The following GLRB variants were observed in gnomAD, a reference collection of about 807,000 sequenced individuals.
The protein encoded by GLRB is glycine receptor subunit beta.
In GLRB, 33 loss-of-function variants were observed where a neutral mutation model predicts 54.2. The observed-to-expected ratio is 0.61, with a 90% CI of 0.46 to 0.81. The LOEUF (loss-of-function observed/expected upper bound fraction) is 0.81, where lower values mean the gene tolerates loss of function less well. GLRB is among the 40% of genes least tolerant of loss of function. The pLI is 0.00. For missense variants in GLRB, 572 were observed against 584.6 expected (o/e 0.98, Z 0.22); for synonymous variants, 209 against 208.2 (o/e 1.00, Z -0.03).
At chr4:157,124,648 TG>T (rs995994367) in intron 4 of GLRB, among the ~76,000 whole-genome samples, 3 of 151,842 alleles carry the variant, frequency 2.0e-5, no homozygotes, top group African/African-American at 7.2e-5. Flanking sequence ...AGCATTTAGA[TG>T]GCTTAATAAC....
At chr4:157,087,200 A>T (rs551140437) in intron 2 of GLRB, among the ~76,000 whole-genome samples, 2 of 152,266 alleles carry the variant, frequency 1.3e-5, no homozygotes, top group East Asian at 3.9e-4. Context: ...GTTCACTGGG[A>T]CTGTATTTAG....
chr4:157,111,098 T>G (rs1735401661), intron 2 of GLRB, among the ~76,000 whole-genome samples: 1 of 151,990 alleles, frequency 6.6e-6, no homozygotes, highest in Non-Finnish European at 1.5e-5. Flanking sequence ...TAGCCTTCAG[T>G]GGTCTAGTGT....
In GLRB at chr4:157,136,854, A is replaced by G; in HGVS notation, c.578A>G (p.Asp193Gly). The G allele has an allele frequency of 1.9e-6, 3 of 1,609,976 alleles. No homozygotes were observed. Among genetic ancestry groups the G allele is most frequent in the Non-Finnish European group, 2.6e-6 (3 of 1,176,260 alleles). The change falls in exon 6 of 10, where the codon GAT becomes GGT. Residue 193 changes from aspartate (D) to glycine (G), a missense_variant. Asp to Gly is a moderately conservative substitution (Grantham distance 94). Transcript: ENST00000264428. ...CPLDLTLFPMDTQRCKMQLES... is the reference protein window; with the variant it reads ...CPLDLTLFPMGTQRCKMQLES... The stretch of plus-strand genomic sequence containing the variant: ...TTGGACTTGACATTGTTTCCCATGG[A>G]TACACAACGTTGCAAGATGCAACTG...
intron 2 of GLRB, among the ~76,000 whole-genome samples, chr4:157,082,993 C>A (rs1197925930): frequency 7.1e-6 from 1 of 141,054 alleles, no homozygotes; most frequent in Admixed American, 7.0e-5. Flanking sequence ...TATATATACA[C>A]ACATACTTAC....
chr4:157,119,976 ACCAAC>A (rs1043650742), intron 2 of GLRB, among the ~76,000 whole-genome samples: 52 of 151,924 alleles, frequency 3.4e-4, no homozygotes, highest in African/African-American at 1.1e-3. Context: ...AAGACTTGGA[ACCAAC>A]CCAAATGTCC....
intron 2 of GLRB, among the ~76,000 whole-genome samples, chr4:157,105,800 A>T (rs1176076402): frequency 3.3e-5 from 5 of 152,208 alleles, no homozygotes; most frequent in African/African-American, 1.2e-4. Flanking sequence ...TAATTGACTT[A>T]AAGTCTATTT....
At chr4:157,091,271 A>C (rs1292980854) in intron 2 of GLRB, 1 of 152,182 alleles carries the variant, frequency 6.6e-6, no homozygotes, top group Non-Finnish European at 1.5e-5. Flanking sequence ...TTCAACATTT[A>C]ATAAAATTAA....
intron 9 of GLRB, among the ~76,000 whole-genome samples, chr4:157,162,246 A>C (rs940423101): frequency 1.3e-5 from 2 of 152,102 alleles, no homozygotes; most frequent in African/African-American, 2.4e-5. Context: ...TCTTTTTTCA[A>C]GGTTTTTAGT....
At chr4:157,162,567 A>C (rs559057351) in intron 9 of GLRB, among the ~76,000 whole-genome samples, 11 of 152,302 alleles carry the variant, frequency 7.2e-5, no homozygotes, top group Admixed American at 1.3e-4. Context: ...CAGGACCCTC[A>C]GCTGCAGGTC....
chr4:157,137,957 G>A (rs556209204), intron 6 of GLRB, among the ~76,000 whole-genome samples: 11 of 152,296 alleles, frequency 7.2e-5, no homozygotes, highest in African/African-American at 2.6e-4. Flanking sequence ...AGCCCAAAAT[G>A]TGTGTGCTTC....
At chr4:157,103,189 A>G (rs993875795) in intron 2 of GLRB, among the ~76,000 whole-genome samples, 2 of 150,946 alleles carry the variant, frequency 1.3e-5, no homozygotes, top group African/African-American at 4.9e-5. Flanking sequence ...TGAAGTAGGG[A>G]CAATAGGGAC....
At chr4:157,103,284 T>C (rs1735105530) in intron 2 of GLRB, among the ~76,000 whole-genome samples, 1 of 152,142 alleles carries the variant, frequency 6.6e-6, no homozygotes, top group East Asian at 1.9e-4. Context: ...AGAAAGTTGC[T>C]GAAATCAGTC....
intron 2 of GLRB, among the ~76,000 whole-genome samples, chr4:157,099,719 G>C (rs1734946879): frequency 6.6e-6 from 1 of 152,056 alleles, no homozygotes; most frequent in East Asian, 1.9e-4. Flanking sequence ...AAAATTTTTT[G>C]TATCATAGGA....
intron 2 of GLRB, among the ~76,000 whole-genome samples, chr4:157,112,886 G>A (rs1048287536): frequency 2.6e-5 from 4 of 151,932 alleles, no homozygotes; most frequent in Admixed American, 2.6e-4. Flanking sequence ...GACCTTGATG[G>A]TGGGGCACTG....
intron 7 of GLRB, among the ~76,000 whole-genome samples, chr4:157,142,194 C>T (rs979282082): frequency 1.3e-5 from 2 of 151,802 alleles, no homozygotes; most frequent in Non-Finnish European, 2.9e-5. Flanking sequence ...TCTTATTTGT[C>T]CAGGCAGAGA....
At chr4:157,145,679 G>A (rs1736780047) in intron 8 of GLRB, among the ~76,000 whole-genome samples, 1 of 152,072 alleles carries the variant, frequency 6.6e-6, no homozygotes, top group Non-Finnish European at 1.5e-5. Context: ...GAAGAAACAG[G>A]CACCAAATAA....
At chr4:157,130,214 T>C (rs1736163381) in intron 4 of GLRB, among the ~76,000 whole-genome samples, 1 of 151,680 alleles carries the variant, frequency 6.6e-6, no homozygotes, top group Non-Finnish European at 1.5e-5. Context: ...TACACCACTG[T>C]ATCGAAAATG....
At chr4:157,164,212 A>T (rs1346436118) in intron 9 of GLRB, among the ~76,000 whole-genome samples, 2 of 151,648 alleles carry the variant, frequency 1.3e-5, no homozygotes, top group Non-Finnish European at 2.9e-5. Context: ...GAACTAAGGG[A>T]TTGCTTAAGG....
At chr4:157,112,879 C>G (rs1053991022) in intron 2 of GLRB, among the ~76,000 whole-genome samples, 2 of 151,898 alleles carry the variant, frequency 1.3e-5, no homozygotes, top group Non-Finnish European at 2.9e-5. Context: ...GAGGGGTGAC[C>G]TTGATGGTGG....
Sources: allele counts gnomAD v4.1 joint callset (sites outside exome capture counted in the v4.1 genomes callset), GRCh38; gene constraint gnomAD v4.1.1; transcripts MANE v1.5; gene names NCBI Gene and HGNC (gene_info 2026-07-23, HGNC 2026-07-21).